The following GRM5 variants were observed in gnomAD, a reference collection of about 807,000 sequenced individuals.
GRM5 encodes the protein metabotropic glutamate receptor 5.
A neutral mutation model predicts 83.1 loss-of-function variants in GRM5; 19 were observed. That is an observed-to-expected ratio of 0.23 (90% CI 0.16 to 0.34). The LOEUF (loss-of-function observed/expected upper bound fraction) is 0.34. Among genes scored for constraint, GRM5 ranks in the 10% least tolerant of loss-of-function variants. GRM5 has a pLI of 1.00. For synonymous variants in GRM5, 675 were observed against 633.6 expected, an observed-to-expected ratio of 1.07 and a Z score of -0.98; for missense variants, 1,160 against 1,588.3, an observed-to-expected ratio of 0.73 and a Z score of 4.58.
At chr11:89,010,007 T>A (rs1940653264) in intron 2 of GRM5, among the ~76,000 whole-genome samples, 1 of 143,420 alleles carries the variant, frequency 7.0e-6, no homozygotes, top group Non-Finnish European at 1.5e-5. Flanking sequence ...AAACTCCACA[T>A]ATGTATATAC....
intron 2 of GRM5, among the ~76,000 whole-genome samples, chr11:88,985,482 C>T (rs1420491232): frequency 2.6e-5 from 4 of 152,122 alleles, no homozygotes; most frequent in South Asian, 4.1e-4. Context: ...CATGAGTCCT[C>T]GTATACTGAT....
At chr11:88,960,274 G>C (rs1938742527) in intron 2 of GRM5, among the ~76,000 whole-genome samples, 2 of 152,074 alleles carry the variant, frequency 1.3e-5, no homozygotes, top group Non-Finnish European at 2.9e-5. Flanking sequence ...AAAAAGAACA[G>C]AGACATTATC....
chr11:88,572,127 A>G (rs1428139085), intron 7 of GRM5, among the ~76,000 whole-genome samples: 3 of 152,204 alleles, frequency 2.0e-5, no homozygotes, highest in Non-Finnish European at 4.4e-5. Context: ...TGCTGTTTGT[A>G]CTGGGTCTGA....
chr11:88,990,047 T>C (rs1379156032), intron 2 of GRM5, among the ~76,000 whole-genome samples: 6 of 151,184 alleles, frequency 4.0e-5, no homozygotes, highest in Admixed American at 1.3e-4. Context: ...CACAAAAAAC[T>C]CTTCAAAAAA....
intron 1 of GRM5, among the ~76,000 whole-genome samples, chr11:89,052,573 G>A (rs1941783452): frequency 1.3e-5 from 2 of 152,104 alleles, no homozygotes; most frequent in Admixed American, 1.3e-4. Flanking sequence ...ATGTTTTTGA[G>A]TGTGTCTGTA....
intron 5 of GRM5, among the ~76,000 whole-genome samples, chr11:88,601,270 T>G (rs1937986645): frequency 6.6e-6 from 1 of 152,318 alleles, no homozygotes; most frequent in South Asian, 2.1e-4. Context: ...AGAATCCGCA[T>G]GCACACAAAG....
At chr11:88,986,881 T>C (rs1394272955) in intron 2 of GRM5, among the ~76,000 whole-genome samples, 19 of 152,066 alleles carry the variant, frequency 1.2e-4, no homozygotes, top group Admixed American at 8.5e-4. Context: ...TTCTAGTTAA[T>C]TTTTGTATGT....
intron 3 of GRM5, among the ~76,000 whole-genome samples, chr11:88,688,788 AAAT>A (rs903688090): frequency 2.6e-5 from 4 of 152,088 alleles, no homozygotes; most frequent in African/African-American, 9.7e-5. Flanking sequence ...CATAGTAGGG[AAAT>A]AATTGTCTTT....
intron 3 of GRM5, among the ~76,000 whole-genome samples, chr11:88,691,582 GCT>G (rs1940781744): frequency 6.6e-6 from 1 of 152,042 alleles, no homozygotes; most frequent in Non-Finnish European, 1.5e-5. Flanking sequence ...TGCTATGTCT[GCT>G]CTCTGCCATC....
At chr11:88,528,105 CAAA>C (rs1320424538) in intron 8 of GRM5, among the ~76,000 whole-genome samples, 1 of 151,254 alleles carries the variant, frequency 6.6e-6, no homozygotes, top group Non-Finnish European at 1.5e-5. Flanking sequence ...ACCATAGAAA[CAAA>C]ACAAAAAACA....
intron 6 of GRM5, among the ~76,000 whole-genome samples, chr11:88,595,853 T>C (rs1937784944): frequency 6.6e-6 from 1 of 152,214 alleles, no homozygotes; most frequent in Non-Finnish European, 1.5e-5. Flanking sequence ...TCCTTTTTTG[T>C]ACTTTGAAAG....
chr11:88,744,843 C>T (rs1942100644), intron 3 of GRM5, among the ~76,000 whole-genome samples: 1 of 152,192 alleles, frequency 6.6e-6, no homozygotes, highest in East Asian at 1.9e-4. Flanking sequence ...AAACATTTGG[C>T]AAACACTGAG....
intron 3 of GRM5, among the ~76,000 whole-genome samples, chr11:88,665,135 T>TAGATAGA: frequency 1.4e-5 from 2 of 145,404 alleles, no homozygotes; most frequent in African/African-American, 5.1e-5. Flanking sequence ...CATAAAAATG[T>TAGATAGA]AGATAGAAGA....
intron 2 of GRM5, among the ~76,000 whole-genome samples, chr11:88,907,974 T>C (rs143164323): frequency 4.3e-4 from 65 of 152,098 alleles, no homozygotes; most frequent in African/African-American, 1.3e-3. Context: ...TTAGAAAAAA[T>C]ATTATCTGAG....
In GRM5 at chr11:88,798,820, A is replaced by AC. The variant is rs1555017416; in HGVS notation, c.911+51085_911+51086insG. Among the ~76,000 whole-genome samples, 24 of 136,304 alleles carry AC rather than the reference A, an allele frequency of 1.8e-4. 2 individuals are homozygous for AC. The highest frequency in any genetic ancestry group is 7.2e-4 in the South Asian group (3 of 4,150). The allele number at this position is 136,304 out of a possible 152,430, so 89.4% of individuals were successfully genotyped here. On this transcript the variant is annotated intron_variant, in intron 3 of 9. Transcript: ENST00000305447. ...ATGAAAACACCAAAAAAAAAAAAAA[A>AC]AAAAAAACAACAACAACAACAAAAA...
chr11:88,747,413 C>G (rs957806773), intron 3 of GRM5, among the ~76,000 whole-genome samples: 1 of 152,110 alleles, frequency 6.6e-6, no homozygotes, highest in African/African-American at 2.4e-5. Context: ...AAACATGAAG[C>G]TTCTTACTTA....
chr11:88,818,230 TG>T (rs1943724855), intron 3 of GRM5, among the ~76,000 whole-genome samples: 1 of 152,152 alleles, frequency 6.6e-6, no homozygotes, highest in Non-Finnish European at 1.5e-5. Context: ...ATGTCTTAGT[TG>T]GGACACCACA....
intron 8 of GRM5, among the ~76,000 whole-genome samples, chr11:88,566,501 TCTC>T (rs1180144642): frequency 6.6e-6 from 1 of 152,172 alleles, no homozygotes; most frequent in Non-Finnish European, 1.5e-5. Flanking sequence ...TGCTTAGACA[TCTC>T]CTAAAGATTT....
chr11:88,951,881 A>G (rs1242342957), intron 2 of GRM5, among the ~76,000 whole-genome samples: 1 of 152,224 alleles, frequency 6.6e-6, no homozygotes, highest in African/African-American at 2.4e-5. Context: ...TAAAGAAACT[A>G]TGCATTACTT....
Sources: gnomAD v4.1 joint callset for allele counts (sites outside exome capture counted in the v4.1 genomes callset) on GRCh38, gnomAD v4.1.1 for gene constraint, MANE v1.5 for transcripts, NCBI Gene and HGNC (gene_info 2026-07-23, HGNC 2026-07-21) for gene names.